UBXN7: variants seen among roughly 807,000 people sequenced by gnomAD.
UBXN7 encodes UBX domain protein 7.
In UBXN7, 9 loss-of-function variants were observed where a neutral mutation model predicts 58.0. The observed-to-expected ratio is 0.16, with a 90% CI of 0.09 to 0.27. The LOEUF is 0.27. Among genes scored for constraint, UBXN7 ranks in the 10% least tolerant of loss-of-function variants. The pLI is 1.00. For missense variants in UBXN7, 328 were observed against 599.6 expected (o/e 0.55, Z 4.73); for synonymous variants, 208 against 205.0 (o/e 1.01, Z -0.12).
chr3:196,380,510 T>C (rs1239872522), intron 5 of UBXN7, among the ~76,000 whole-genome samples: 1 of 152,182 alleles, frequency 6.6e-6, no homozygotes, highest in Admixed American at 6.5e-5. Flanking sequence ...GGTGGGGTGT[T>C]CCAAGATGGC....
At chr3:196,390,105 C>A (rs543965792) in intron 5 of UBXN7, among the ~76,000 whole-genome samples, 8 of 151,954 alleles carry the variant, frequency 5.3e-5, no homozygotes, top group African/African-American at 1.7e-4. Flanking sequence ...TGTAGCCCTA[C>A]TTATTTGGGA....
chr3:196,357,099 A>G (rs928346656), intron 10 of UBXN7, among the ~76,000 whole-genome samples: 6 of 152,262 alleles, frequency 3.9e-5, no homozygotes, highest in Non-Finnish European at 8.8e-5. Context: ...TGGCTCCCCA[A>G]TAAATATACC....
At chr3:196,404,463 T>C (rs1320901449) in intron 2 of UBXN7, among the ~76,000 whole-genome samples, 2 of 151,948 alleles carry the variant, frequency 1.3e-5, no homozygotes, top group East Asian at 1.9e-4. Context: ...GGGGTTTCAC[T>C]GCGTTAGCCA....
chr3:196,388,205 A>C (rs1308128861), intron 5 of UBXN7, among the ~76,000 whole-genome samples: 2 of 150,862 alleles, frequency 1.3e-5, no homozygotes, highest in Non-Finnish European at 2.9e-5. Context: ...AGAAAACCAA[A>C]CACCACATGA....
chr3:196,382,476 C>T (rs541425860), intron 5 of UBXN7, among the ~76,000 whole-genome samples: 2 of 152,288 alleles, frequency 1.3e-5, no homozygotes, highest in African/African-American at 4.8e-5. Context: ...CTTACAAGAG[C>T]TCCTGAAGGA....
chr3:196,397,942 G>C (rs1430606760), intron 3 of UBXN7, among the ~76,000 whole-genome samples: 3 of 152,158 alleles, frequency 2.0e-5, no homozygotes, highest in African/African-American at 7.2e-5. Context: ...TGTACTATGT[G>C]GTAGGCAGTG....
chr3:196,406,042 T>TG (rs1019667820), intron 2 of UBXN7, among the ~76,000 whole-genome samples: 1 of 152,164 alleles, frequency 6.6e-6, no homozygotes, highest in African/African-American at 2.4e-5. Context: ...TTTTGTTTTT[T>TG]TTTTGAGACA....
chr3:196,403,024 TAA>T lies in UBXN7; in HGVS notation c.222-7_222-6del. 1 of 1,556,210 alleles carries T rather than the reference TAA, an allele frequency of 6.4e-7. No homozygotes were observed. Among genetic ancestry groups the T allele is most frequent in the Non-Finnish European group, 8.7e-7 (1 of 1,153,052 alleles). On this transcript the variant is annotated splice_region_variant and splice_polypyrimidine_tract_variant and intron_variant, in intron 2 of 10. Transcript: ENST00000296328. ...ATTGGGGCACGAACTTCTTCTCTAT[TAA>T]AAAAAAATGGGAAAATAAAAAATGA...
chr3:196,356,396 C>A lies in UBXN7; in HGVS notation c.*289G>T. On this transcript the variant is annotated 3_prime_UTR_variant, in exon 11 of 11. Coordinates refer to ENST00000296328, the MANE Select transcript of UBXN7 (RefSeq NM_015562.2). The stretch of plus-strand genomic sequence containing the variant: ...TCCTGCTGCTAGTACTAGGAGAGGT[C>A]TTATCCTTACACTTCAGTTTGGTCA... 1 of 279,346 alleles carries A rather than the reference C, an allele frequency of 3.6e-6. No individual in the cohort carries two copies. The highest frequency in any genetic ancestry group is 6.7e-6 in the Non-Finnish European group (1 of 149,540). The allele number at this position is 279,346 out of a possible 1,614,324, so 17.3% of individuals were successfully genotyped here.
intron 1 of UBXN7, among the ~76,000 whole-genome samples, chr3:196,424,391 T>C (rs1255023761): frequency 1.4e-5 from 2 of 139,504 alleles, no homozygotes; most frequent in Non-Finnish European, 3.0e-5. Flanking sequence ...TAATTTTTTT[T>C]TTTTTTTTTT....
At position 196,348,251 on chromosome 3, in the gene UBXN7, T is replaced by C. The variant is rs1728130907; in HGVS notation, c.*8434A>G. 1 of 152,066 alleles carries C rather than the reference T, an allele frequency of 6.6e-6. No individual in the cohort carries two copies. Among genetic ancestry groups the C allele is most frequent in the Non-Finnish European group, 1.5e-5 (1 of 68,040 alleles). 9.4% of individuals were successfully genotyped at this position (152,066 alleles called of 1,614,324 possible). A position where few individuals can be genotyped will look rare whatever the true frequency, so the allele number is the denominator to read the frequency against. On this transcript the variant is annotated 3_prime_UTR_variant, in exon 11 of 11. Coordinates refer to ENST00000296328, the MANE Select transcript of UBXN7 (RefSeq NM_015562.2). ...CTAATGTGTCTTGAACAAAAAAATT[T>C]AGTGGATGGTCCAGCTGCCCCTTGC...
intron 3 of UBXN7, among the ~76,000 whole-genome samples, chr3:196,394,458 C>A (rs1729706275): frequency 1.3e-5 from 2 of 151,570 alleles, no homozygotes; most frequent in Admixed American, 1.3e-4. Context: ...AAAAAACTAG[C>A]CAGGTGTGGT....
At chr3:196,372,343 CTTTT>C (rs894793736) in intron 5 of UBXN7, among the ~76,000 whole-genome samples, 14 of 107,530 alleles carry the variant, frequency 1.3e-4, no homozygotes, top group East Asian at 4.8e-4. Context: ...TTCTTTCTTT[CTTTT>C]TTTTTTTTTT....
chr3:196,385,517 G>T (rs1049877591), intron 5 of UBXN7, among the ~76,000 whole-genome samples: 2 of 151,558 alleles, frequency 1.3e-5, no homozygotes, highest in African/African-American at 4.9e-5. Flanking sequence ...TCTGGGATGT[G>T]GGGAGTGCCT....
At chr3:196,380,191 AGT>A (rs1729157366) in intron 5 of UBXN7, among the ~76,000 whole-genome samples, 1 of 151,712 alleles carries the variant, frequency 6.6e-6, no homozygotes, top group African/African-American at 2.4e-5. Flanking sequence ...TGGAGCGTGC[AGT>A]GAGGCAAGAT....
chr3:196,383,360 C>T (rs1019960397), intron 5 of UBXN7, among the ~76,000 whole-genome samples: 2 of 152,124 alleles, frequency 1.3e-5, no homozygotes, highest in Admixed American at 6.6e-5. Flanking sequence ...GAGAATTTAA[C>T]ACCCCACTGT....
At chr3:196,394,760 A>T (rs1240281282) in intron 3 of UBXN7, among the ~76,000 whole-genome samples, 1 of 152,164 alleles carries the variant, frequency 6.6e-6, no homozygotes, top group Non-Finnish European at 1.5e-5. Context: ...TACATTCTAA[A>T]CCATAAGACT....
chr3:196,428,840 G>GT (rs1174830565), intron 1 of UBXN7, among the ~76,000 whole-genome samples: 1 of 146,414 alleles, frequency 6.8e-6, no homozygotes. Context: ...AAAAAAAAAA[G>GT]TTTTTATGAT....
At chr3:196,389,421 C>T (rs1041529923) in intron 5 of UBXN7, among the ~76,000 whole-genome samples, 3 of 152,168 alleles carry the variant, frequency 2.0e-5, no homozygotes, top group Non-Finnish European at 4.4e-5. Flanking sequence ...TACATGCAGC[C>T]AAACCACTTT....
Sources: gnomAD v4.1 joint callset for allele counts (sites outside exome capture counted in the v4.1 genomes callset) on GRCh38, gnomAD v4.1.1 for gene constraint, MANE v1.5 for transcripts, NCBI Gene and HGNC (gene_info 2026-07-23, HGNC 2026-07-21) for gene names.